Variants in TFCP2L1 observed in about 807,000 individuals in gnomAD.
TFCP2L1 encodes the protein transcription factor CP2 like 1.
TFCP2L1 carries 12 observed loss-of-function variants against 72.2 expected under a neutral mutation model. The ratio of observed to expected loss-of-function variants is 0.17; its 90% CI spans 0.11 to 0.27. The LOEUF (loss-of-function observed/expected upper bound fraction) is 0.27. Among genes scored for constraint, TFCP2L1 ranks in the 10% least tolerant of loss-of-function variants. TFCP2L1 has a pLI of 1.00. For missense variants in TFCP2L1, 488 were observed against 624.6 expected (o/e 0.78, Z 2.33); for synonymous variants, 260 against 251.0 (o/e 1.04, Z -0.34).
rs147623117 is a variant in TFCP2L1 at position 121,280,583 on chromosome 2, C to T, written c.214+537G>A. 5.4e-3 allele frequency among the ~76,000 whole-genome samples: 821 copies of T among 151,768 alleles called. 4 individuals carry two copies. Among genetic ancestry groups the T allele is most frequent in the African/African-American group, 0.019 (798 of 41,366 alleles). ...GACCAGCCTGGGCAACATAGTGAGA[C>T]CCCCCCAGCTCTACAAAAAATTTAA... On this transcript the variant is annotated intron_variant, in intron 2 of 14. Transcript: ENST00000263707.
chr2:121,235,434 TCA>T, intron 10 of TFCP2L1, 123 bp from the exon 11 acceptor site: 2 of 929,660 alleles, frequency 2.2e-6, no homozygotes, highest in South Asian at 1.5e-5. Flanking sequence ...CTGCACTATC[TCA>T]CAGAGAGAAA....
chr2:121,262,140 C>A (rs1686838762), intron 2 of TFCP2L1, among the ~76,000 whole-genome samples: 1 of 152,108 alleles, frequency 6.6e-6, no homozygotes. Flanking sequence ...CACAGAGAGA[C>A]CTCGTCTCTT....
At position 121,225,549 on chromosome 2, in the gene TFCP2L1, G is replaced by A. The variant is rs753642619; in HGVS notation, c.1393+13C>T. Reference sequence around the variant, plus strand: ...GCCCCCACAACTACCCTAGGGGGAGGGGGAGGCTTCACCTTTAATTGTGCT... The same window carrying A: ...GCCCCCACAACTACCCTAGGGGGAGAGGGAGGCTTCACCTTTAATTGTGCT... On this transcript the variant is annotated intron_variant, in intron 14 of 14. Transcript: ENST00000263707. 9 of 1,613,758 alleles carry A rather than the reference G, an allele frequency of 5.6e-6. No individual in the cohort carries two copies. Among genetic ancestry groups the A allele is most frequent in the East Asian group, 4.5e-5 (2 of 44,888 alleles).
intron 10 of TFCP2L1, 58 bp from the exon 11 acceptor site, chr2:121,235,369 C>T: frequency 6.4e-7 from 1 of 1,572,756 alleles, no homozygotes; most frequent in Non-Finnish European, 8.7e-7. Context: ...AGGGCTCGGT[C>T]CCCAACCAGC....
At chr2:121,255,177 C>T (rs1686689914) in intron 2 of TFCP2L1, among the ~76,000 whole-genome samples, 1 of 152,242 alleles carries the variant, frequency 6.6e-6, no homozygotes, top group South Asian at 2.1e-4. Context: ...CCTCTCTCAA[C>T]CTCTCCTTTC....
Position 121,257,758 on chromosome 2 carries a change from G to A in TFCP2L1, c.215-8111C>T, listed in dbSNP as rs149385085. ...CACCACACAGGAATGAATGGGCAGC[G>A]CTGTAATTCATTCAAACACTGAACT... On this transcript the variant is annotated intron_variant, in intron 2 of 14. Coordinates refer to ENST00000263707, the MANE Select transcript of TFCP2L1 (RefSeq NM_014553.3). Among the ~76,000 whole-genome samples, 30 of 152,318 alleles carry A rather than the reference G, an allele frequency of 2.0e-4. No homozygotes were observed. In the East Asian group the frequency reaches 5.0e-3, roughly 25 times the overall value.
intron 1 of TFCP2L1, among the ~76,000 whole-genome samples, chr2:121,281,926 G>GT (rs11383241): frequency 0.43 from 44,376 of 102,090 alleles, 7,278 homozygotes; most frequent in Middle Eastern, 0.53. Flanking sequence ...TTGTGTGGTT[G>GT]TTTTTTTTGG....
intron 10 of TFCP2L1, among the ~76,000 whole-genome samples, chr2:121,236,098 G>T (rs149001364): frequency 6.6e-6 from 1 of 152,170 alleles, no homozygotes; most frequent in East Asian, 1.9e-4. Context: ...GAGTGTTCAT[G>T]CCCGTTATTA....
chr2:121,246,454 C>T (rs1014198405), intron 6 of TFCP2L1, among the ~76,000 whole-genome samples: 14 of 151,996 alleles, frequency 9.2e-5, no homozygotes, highest in African/African-American at 2.7e-4. Context: ...AGAATCCAGA[C>T]GTGAGCACCT....
At chr2:121,280,789 G>A (rs1166169614) in intron 2 of TFCP2L1, among the ~76,000 whole-genome samples, 8 of 85,810 alleles carry the variant, frequency 9.3e-5, no homozygotes, top group South Asian at 4.2e-4. Context: ...AAAAAAGAAA[G>A]AAAGAAAGAA....
At chr2:121,263,462 T>C (rs942877885) in intron 2 of TFCP2L1, among the ~76,000 whole-genome samples, 13 of 139,870 alleles carry the variant, frequency 9.3e-5, no homozygotes, top group Non-Finnish European at 2.0e-4. Flanking sequence ...CAACTGTCTG[T>C]TTTTGGCAAA....
intron 7 of TFCP2L1, chr2:121,240,512 C>T (rs1686347387): frequency 2.0e-6 from 2 of 985,398 alleles, no homozygotes; most frequent in Non-Finnish European, 2.4e-6. Context: ...TTTGTTGGTG[C>T]TAAATCCTAC....
At chr2:121,257,504 AC>A (rs1686751642) in intron 2 of TFCP2L1, among the ~76,000 whole-genome samples, 2 of 152,054 alleles carry the variant, frequency 1.3e-5, no homozygotes, top group African/African-American at 4.8e-5. Flanking sequence ...CCCTCCACCC[AC>A]CTGAAGAGCA....
intron 2 of TFCP2L1, among the ~76,000 whole-genome samples, chr2:121,264,806 T>C (rs1403773819): frequency 6.6e-6 from 1 of 152,174 alleles, no homozygotes; most frequent in East Asian, 1.9e-4. Flanking sequence ...ACCCTCTCCA[T>C]CATAAAGACA....
chr2:121,240,758 C>T, intron 7 of TFCP2L1: 1 of 984,634 alleles, frequency 1.0e-6, no homozygotes, highest in Non-Finnish European at 1.2e-6. Context: ...AGGCATGAAC[C>T]AGGTACGGGA....
intron 2 of TFCP2L1, among the ~76,000 whole-genome samples, chr2:121,272,462 G>A (rs1489691184): frequency 1.3e-5 from 2 of 152,140 alleles, no homozygotes; most frequent in Non-Finnish European, 2.9e-5. Flanking sequence ...ATTCTCCGCA[G>A]GGTTATGTCC....
intron 2 of TFCP2L1, among the ~76,000 whole-genome samples, chr2:121,260,703 C>T (rs577957842): frequency 6.6e-6 from 1 of 152,226 alleles, no homozygotes; most frequent in East Asian, 1.9e-4. Context: ...CACAGCACTG[C>T]CCAGAGCAGG....
At chr2:121,232,005 G>A in intron 12 of TFCP2L1, 37 bp from the exon 13 acceptor site, 1 of 1,546,508 alleles carries the variant, frequency 6.5e-7, no homozygotes. Flanking sequence ...TTTCCAAGTG[G>A]CCATTCTGTC....
intron 8 of TFCP2L1, among the ~76,000 whole-genome samples, chr2:121,238,850 C>G (rs1438802444): frequency 6.6e-6 from 1 of 152,098 alleles, no homozygotes; most frequent in African/African-American, 2.4e-5. Flanking sequence ...AAATCAAGTT[C>G]ACAGACAATC....
Sources: gnomAD v4.1 joint callset for allele counts (sites outside exome capture counted in the v4.1 genomes callset) on GRCh38, gnomAD v4.1.1 for gene constraint, MANE v1.5 for transcripts, NCBI Gene and HGNC (gene_info 2026-07-23, HGNC 2026-07-21) for gene names.